The following CHSY3 variants were observed in gnomAD, a reference collection of about 807,000 sequenced individuals.
CHSY3 encodes the protein chondroitin sulfate synthase 3.
CHSY3 carries 35 observed loss-of-function variants against 67.2 expected under a neutral mutation model. The ratio of observed to expected loss-of-function variants is 0.52; its 90% CI spans 0.40 to 0.69. CHSY3 has a LOEUF of 0.69. Ranked by LOEUF, CHSY3 falls within the 30% of genes least tolerant of loss-of-function variation. CHSY3 has a pLI of 0.00. For missense variants in CHSY3, 1,069 were observed against 1,138.5 expected (o/e 0.94, Z 0.88); for synonymous variants, 474 against 434.7 (o/e 1.09, Z -1.12).
At chr5:129,929,477 C>G (rs1761228142) in intron 2 of CHSY3, among the ~76,000 whole-genome samples, 1 of 151,990 alleles carries the variant, frequency 6.6e-6, no homozygotes, top group Admixed American at 6.5e-5. Flanking sequence ...GACATGGGCA[C>G]ACACATCACA....
chr5:130,175,306 G>A (rs1049994220), intron 2 of CHSY3, among the ~76,000 whole-genome samples: 11 of 152,096 alleles, frequency 7.2e-5, no homozygotes, highest in East Asian at 5.8e-4. Flanking sequence ...CAAGGGATGC[G>A]AAGGACCTCT....
chr5:130,092,873 G>C (rs984653670), intron 2 of CHSY3, among the ~76,000 whole-genome samples: 1 of 152,136 alleles, frequency 6.6e-6, no homozygotes, highest in African/African-American at 2.4e-5. Flanking sequence ...GTAAGAAAGA[G>C]GAGTTGATCA....
intron 2 of CHSY3, among the ~76,000 whole-genome samples, chr5:129,959,815 T>C (rs1251485741): frequency 6.6e-6 from 1 of 152,122 alleles, no homozygotes; most frequent in Non-Finnish European, 1.5e-5. Flanking sequence ...TAAGGTACTG[T>C]TTTCTTTTTC....
At chr5:130,084,303 C>T (rs1479557586) in intron 2 of CHSY3, among the ~76,000 whole-genome samples, 1 of 151,886 alleles carries the variant, frequency 6.6e-6, no homozygotes, top group Non-Finnish European at 1.5e-5. Flanking sequence ...ATAACTAAAA[C>T]AGAAGATTTT....
chr5:129,936,705 C>T (rs962710107), intron 2 of CHSY3, among the ~76,000 whole-genome samples: 1 of 152,112 alleles, frequency 6.6e-6, no homozygotes, highest in East Asian at 1.9e-4. Flanking sequence ...AGATAGGGAT[C>T]TTGTATAGGG....
intron 2 of CHSY3, among the ~76,000 whole-genome samples, chr5:130,031,399 A>G (rs1764700196): frequency 1.3e-5 from 2 of 152,124 alleles, no homozygotes; most frequent in African/African-American, 4.8e-5. Flanking sequence ...ATACAACATT[A>G]TTATCTCACT....
chr5:130,185,313 G>C lies in CHSY3; in HGVS notation c.2171G>C (p.Arg724Thr), dbSNP rs755095692. Residue 724 changes from arginine (R) to threonine (T), a missense_variant, in exon 3 of 3, where the codon AGA becomes ACA. Around this residue, in one of 5 missense-constraint regions of CHSY3, gnomAD observed 401 missense variants for 395.2 expected, o/e 1.01. Coordinates refer to ENST00000305031, the MANE Select transcript of CHSY3 (RefSeq NM_175856.5). ...TTTTGTGATGTTGACTTGATCTTCA[G>C]AGAAGATTTTCTCCAACGATGTAGA... The part of the protein sequence containing the change: ...LLFCDVDLIF[R>T]EDFLQRCRDN... 6 of 1,610,854 alleles carry C rather than the reference G, an allele frequency of 3.7e-6. No individual in the cohort carries two copies. Among genetic ancestry groups the C allele is most frequent in the Non-Finnish European group, 5.1e-6 (6 of 1,177,076 alleles).
chr5:129,941,844 GAACTTCTGACC>G (rs1022055958), intron 2 of CHSY3, among the ~76,000 whole-genome samples: 8 of 152,202 alleles, frequency 5.3e-5, no homozygotes, highest in African/African-American at 1.9e-4. Flanking sequence ...CAGACCTCTG[GAACTTCTGACC>G]AACTGGCTTC....
intron 2 of CHSY3, among the ~76,000 whole-genome samples, chr5:130,047,863 C>T (rs1765201975): frequency 6.6e-6 from 1 of 151,666 alleles, no homozygotes; most frequent in Non-Finnish European, 1.5e-5. Context: ...TTTAATATAA[C>T]ATTTCACCTT....
At position 129,982,719 on chromosome 5, in the gene CHSY3, G is replaced by A. The variant is rs1243053130; in HGVS notation, c.1086+74359G>A. Among the ~76,000 whole-genome samples, 3 of 151,912 alleles carry A rather than the reference G, an allele frequency of 2.0e-5. No individual in the cohort carries two copies. In the East Asian group the frequency reaches 5.8e-4, roughly 29 times the overall value. The stretch of plus-strand genomic sequence containing the variant: ...ATTTATGTTAATTTAATTAAAGAAA[G>A]TATCAAAAGCAGCACTCATAGAAGT... On this transcript the variant is annotated intron_variant, in intron 2 of 2. Coordinates refer to ENST00000305031, the MANE Select transcript of CHSY3 (RefSeq NM_175856.5).
chr5:130,023,162 G>T (rs78906176), intron 2 of CHSY3, among the ~76,000 whole-genome samples: 1,658 of 152,014 alleles, frequency 0.011, 30 homozygotes, highest in African/African-American at 0.038. Flanking sequence ...TTCTTTAGAA[G>T]TGGGAAAAAT....
intron 2 of CHSY3, among the ~76,000 whole-genome samples, chr5:129,971,072 A>G (rs572715435): frequency 6.6e-6 from 1 of 151,994 alleles, no homozygotes; most frequent in African/African-American, 2.4e-5. Flanking sequence ...ATTTAGAAGA[A>G]AATAGTATAT....
chr5:130,100,999 G>A (rs1252609179), intron 2 of CHSY3, among the ~76,000 whole-genome samples: 1 of 152,152 alleles, frequency 6.6e-6, no homozygotes, highest in East Asian at 1.9e-4. Context: ...CGCCCCAGAG[G>A]TATAAATTCT....
intron 2 of CHSY3, among the ~76,000 whole-genome samples, chr5:129,968,652 A>G (rs1194879097): frequency 1.3e-5 from 2 of 151,820 alleles, no homozygotes; most frequent in African/African-American, 4.8e-5. Context: ...TGTTTCTCAC[A>G]CTTTGATGGG....
intron 2 of CHSY3, among the ~76,000 whole-genome samples, chr5:130,031,053 G>A (rs1041970847): frequency 6.6e-6 from 1 of 151,854 alleles, no homozygotes; most frequent in South Asian, 2.1e-4. Flanking sequence ...AGCAGATGGT[G>A]TCATATAAAG....
chr5:130,178,159 A>G (rs116263070), intron 2 of CHSY3, among the ~76,000 whole-genome samples: 7,387 of 131,688 alleles, frequency 0.056, 688 homozygotes, highest in African/African-American at 0.19. Context: ...GTCTTTTTTT[A>G]GTATTATATG....
intron 2 of CHSY3, among the ~76,000 whole-genome samples, chr5:130,050,408 A>C (rs771968366): frequency 2.0e-5 from 3 of 152,152 alleles, no homozygotes; most frequent in African/African-American, 4.8e-5. Flanking sequence ...TAGAACAAAG[A>C]GTGCTATGTC....
intron 2 of CHSY3, among the ~76,000 whole-genome samples, chr5:130,004,433 G>A (rs529204203): frequency 1.4e-3 from 218 of 152,224 alleles, no homozygotes; most frequent in Admixed American, 2.4e-3. Context: ...TAGAAATATT[G>A]ATTGGAACTT....
chr5:129,917,712 A>C (rs2431198), intron 2 of CHSY3, among the ~76,000 whole-genome samples: 142,935 of 152,326 alleles, frequency 0.94, 67,194 homozygotes, highest in East Asian at 1. Flanking sequence ...ATTGCTATTT[A>C]TTTTTGTATG....
Sources: gnomAD v4.1 joint callset for allele counts (sites outside exome capture counted in the v4.1 genomes callset) on GRCh38, gnomAD v4.1.1 for gene constraint, gnomAD v4.1.1 regional missense constraint, MANE v1.5 for transcripts, NCBI Gene and HGNC (gene_info 2026-07-23, HGNC 2026-07-21) for gene names.